PPP2R1B: variants seen among roughly 807,000 people sequenced by gnomAD.
PPP2R1B encodes the protein protein phosphatase 2 scaffold subunit Abeta, also known as serine/threonine-protein phosphatase 2A 65 kDa regulatory subunit A beta isoform.
PPP2R1B carries 58 observed loss-of-function variants against 72.7 expected under a neutral mutation model. The ratio of observed to expected loss-of-function variants is 0.80; its 90% CI spans 0.65 to 0.99. The LOEUF is 0.99. Ranked by LOEUF, PPP2R1B falls within the 50% of genes least tolerant of loss-of-function variation. PPP2R1B has a pLI of 0.00. For missense variants in PPP2R1B, 695 were observed against 733.6 expected (o/e 0.95, Z 0.61); for synonymous variants, 256 against 264.6 (o/e 0.97, Z 0.32).
intron 15 of PPP2R1B, among the ~76,000 whole-genome samples, chr11:111,732,430 C>A (rs1300499863): frequency 6.6e-6 from 1 of 152,204 alleles, no homozygotes; most frequent in Non-Finnish European, 1.5e-5. Context: ...GTGGCTGACA[C>A]CTGTAATCCC....
the PPP2R1B span, among the ~76,000 whole-genome samples, chr11:111,692,208 A>G: frequency 1.3e-5 from 2 of 151,864 alleles, no homozygotes; most frequent in Non-Finnish European, 2.9e-5. Context: ...AAAATTAGCC[A>G]GGAATGGCAG....
At chr11:111,747,910 T>C (rs1282820688) in intron 11 of PPP2R1B, 44 bp downstream of exon 11, 2 of 1,540,372 alleles carry the variant, frequency 1.3e-6, no homozygotes, top group South Asian at 2.3e-5. Context: ...TGTATGAAAA[T>C]CATGGATATA....
At chr11:111,705,605 C>T in the PPP2R1B span, among the ~76,000 whole-genome samples, 1 of 152,004 alleles carries the variant, frequency 6.6e-6, no homozygotes, top group African/African-American at 2.4e-5. The surrounding 1 kb of genome is among the most constrained non-coding windows in gnomAD (Gnocchi z 4.3). Flanking sequence ...GAGAGAGGGG[C>T]ACATCTGAAC....
downstream of PPP2R1B, chr11:111,723,811 G>A: frequency 4.3e-6 from 7 of 1,612,688 alleles, no homozygotes; most frequent in Non-Finnish European, 5.9e-6. Flanking sequence ...TACAGCAGCA[G>A]CAGCCGCCAC....
chr11:111,762,715 T>C (rs1591713503), intron 3 of PPP2R1B, among the ~76,000 whole-genome samples: 1 of 152,214 alleles, frequency 6.6e-6, no homozygotes, highest in East Asian at 1.9e-4. Flanking sequence ...CAGCTATTTT[T>C]TTTTAAGTGT....
chr11:111,723,084 C>T (rs995887045), downstream of PPP2R1B, among the ~76,000 whole-genome samples: 1 of 152,180 alleles, frequency 6.6e-6, no homozygotes, highest in Non-Finnish European at 1.5e-5. Context: ...TCCGTCCTCC[C>T]TTACTATCAT....
chr11:111,688,091 G>A, the PPP2R1B span: 83 of 1,614,034 alleles, frequency 5.1e-5, no homozygotes, highest in South Asian at 6.6e-5. The surrounding 1 kb of genome is among the most constrained non-coding windows in gnomAD (Gnocchi z 4.2). Flanking sequence ...TGTCATGGTC[G>A]GAAGATTGTG....
intron 4 of PPP2R1B, 56 bp from the exon 5 acceptor site, chr11:111,760,007 C>G: frequency 6.5e-7 from 1 of 1,543,720 alleles, no homozygotes; most frequent in South Asian, 1.2e-5. Context: ...ATAAACCTGC[C>G]CCCCATACAC....
chr11:111,739,480 A>AG lies in PPP2R1B; in HGVS notation c.*2115dup, dbSNP rs1247882456. On this transcript the variant is annotated 3_prime_UTR_variant, in exon 15 of 15. Transcript: ENST00000527614. The stretch of plus-strand genomic sequence containing the variant: ...TCAGAAGGAAACAATGAAACCCCTG[A>AG]GGGGTCACCACAAAAGACAGAGGCC... The AG allele has an allele frequency of 3.0e-6, 3 of 985,454 alleles. No individual in the cohort carries two copies. The highest frequency in any genetic ancestry group is 1.2e-6 in the Non-Finnish European group (1 of 829,940). The allele number at this position is 985,454 out of a possible 1,614,324, so 61.0% of individuals were successfully genotyped here. A position where few individuals can be genotyped will look rare whatever the true frequency, so the allele number is the denominator to read the frequency against.
At position 111,738,921 on chromosome 11, in the gene PPP2R1B, T is replaced by C; in HGVS notation, c.*2675A>G. 1 of 983,296 alleles carries C rather than the reference T, an allele frequency of 1.0e-6. No individual in the cohort carries two copies. The highest frequency in any genetic ancestry group is 1.2e-6 in the Non-Finnish European group (1 of 829,042). The allele number at this position is 983,296 out of a possible 1,614,324, so 60.9% of individuals were successfully genotyped here. Reference sequence around the variant, plus strand: ...GTGTGTGTGTGTGTGTGTGTGTGTGTGTGTCTGCTTCATTTTTCTAATCAA... The same window carrying C: ...GTGTGTGTGTGTGTGTGTGTGTGTGCGTGTCTGCTTCATTTTTCTAATCAA... On this transcript the variant is annotated 3_prime_UTR_variant, in exon 15 of 15. Transcript: ENST00000527614.
In PPP2R1B at chr11:111,742,062, C is replaced by G; in HGVS notation, c.1780G>C (p.Ala594Pro). The change falls in exon 14 of 15, where the codon GCT becomes CCT. Residue 594 changes from alanine to proline, a missense_variant. By Grantham distance (27) the Ala-to-Pro change is conservative (BLOSUM62 -1). Transcript: ENST00000527614. Reference sequence around the variant, plus strand: ...AGAAGGAAATACATACCACTTATAGCTTCCTGTGCAAAGTATTTGACATCC... The same window carrying G: ...AGAAGGAAATACATACCACTTATAGGTTCCTGTGCAAAGTATTTGACATCC... ...DMDVKYFAQE[A>P]ISVLALA The G allele has an allele frequency of 2.5e-6, 4 of 1,612,676 alleles. No individual in the cohort carries two copies. Among genetic ancestry groups the G allele is most frequent in the Non-Finnish European group, 2.5e-6 (3 of 1,178,668 alleles).
the PPP2R1B span, among the ~76,000 whole-genome samples, chr11:111,707,315 C>T: frequency 2.6e-5 from 4 of 152,156 alleles, no homozygotes; most frequent in East Asian, 3.8e-4. Flanking sequence ...TTATTGTACA[C>T]GATATCCTTT....
chr11:111,758,652 T>C (rs1379642515), intron 5 of PPP2R1B, among the ~76,000 whole-genome samples: 1 of 151,714 alleles, frequency 6.6e-6, no homozygotes, highest in Admixed American at 6.6e-5. Context: ...ACCATAAAAG[T>C]CAGGATAATG....
rs1338466186 is a variant in PPP2R1B at position 111,739,727 on chromosome 11, A to G, written c.*1869T>C. 1.7e-5 allele frequency: 17 copies of G among 984,058 alleles called. No individual in the cohort carries two copies. The highest frequency in any genetic ancestry group is 1.9e-5 in the Non-Finnish European group (16 of 828,758). The allele number at this position is 984,058 out of a possible 1,614,324, so 61.0% of individuals were successfully genotyped here. A position where few individuals can be genotyped will look rare whatever the true frequency, so the allele number is the denominator to read the frequency against. ...AAATGTCTCTCAAATATGAAATTCA[A>G]TGAAGAAGAACATAACTTGCAGGTA... On this transcript the variant is annotated 3_prime_UTR_variant, in exon 15 of 15. Coordinates refer to ENST00000527614, the MANE Select transcript of PPP2R1B (RefSeq NM_002716.5).
downstream of PPP2R1B, among the ~76,000 whole-genome samples, chr11:111,722,157 C>T (rs1943821581): frequency 6.6e-6 from 1 of 152,134 alleles, no homozygotes; most frequent in Non-Finnish European, 1.5e-5. The surrounding 1 kb of genome is among the most constrained non-coding windows in gnomAD (Gnocchi z 4.4). Context: ...CCTCAAGCCC[C>T]ACGAAAGGAT....
chr11:111,728,011 C>T (rs1944032121), intron 15 of PPP2R1B: 1 of 152,198 alleles, frequency 6.6e-6, no homozygotes, highest in Admixed American at 6.5e-5. Flanking sequence ...CTCCAGGTAA[C>T]TTTTTCCCAT....
chr11:111,744,817 C>T (rs1944648821), intron 11 of PPP2R1B, among the ~76,000 whole-genome samples: 1 of 152,164 alleles, frequency 6.6e-6, no homozygotes, highest in Non-Finnish European at 1.5e-5. Context: ...AGCAAGACAG[C>T]ATAGACAAGT....
At position 111,738,835 on chromosome 11, in the gene PPP2R1B, T is replaced by G. The variant is rs988787822; in HGVS notation, c.*2761A>C. On this transcript the variant is annotated 3_prime_UTR_variant, in exon 15 of 15. Coordinates refer to ENST00000527614, the MANE Select transcript of PPP2R1B (RefSeq NM_002716.5). ...CAAATTACAGAGAGAAACACCAAGGTGAATTCCACTGTTGCTGAGACATTT... is the reference window on the plus strand; with the variant it reads ...CAAATTACAGAGAGAAACACCAAGGGGAATTCCACTGTTGCTGAGACATTT... The G allele has an allele frequency of 7.1e-6, 7 of 985,004 alleles. No homozygotes were observed. Among genetic ancestry groups the G allele is most frequent in the Non-Finnish European group, 8.4e-6 (7 of 829,956 alleles). The allele number at this position is 985,004 out of a possible 1,614,324, so 61.0% of individuals were successfully genotyped here. A position where few individuals can be genotyped will look rare whatever the true frequency, so the allele number is the denominator to read the frequency against.
intron 3 of PPP2R1B, among the ~76,000 whole-genome samples, chr11:111,762,884 T>C (rs782637940): frequency 3.3e-5 from 5 of 152,146 alleles, no homozygotes; most frequent in Admixed American, 6.5e-5. Flanking sequence ...CTTCCAAGCC[T>C]CTGAAACTCA....
Sources: gnomAD v4.1 joint callset for allele counts (sites outside exome capture counted in the v4.1 genomes callset) on GRCh38, gnomAD v4.1.1 for gene constraint, Gnocchi (gnomAD v3.1) non-coding constraint, MANE v1.5 for transcripts, NCBI Gene and HGNC (gene_info 2026-07-23, HGNC 2026-07-21) for gene names.